PFDN1: variants seen among roughly 807,000 people sequenced by gnomAD.
PFDN1 encodes prefoldin subunit 1.
In PFDN1, 6 loss-of-function variants were observed where a neutral mutation model predicts 17.3. That is an observed-to-expected ratio of 0.35 (90% CI 0.19 to 0.69). The LOEUF (loss-of-function observed/expected upper bound fraction) is 0.69, where lower values mean the gene tolerates loss of function less well. Among genes scored for constraint, PFDN1 ranks in the 30% least tolerant of loss-of-function variants. The pLI, the probability that PFDN1 is intolerant of heterozygous loss-of-function variation, is 0.65. For missense variants in PFDN1, 113 were observed against 146.2 expected (o/e 0.77, Z 1.17); for synonymous variants, 58 against 50.1 (o/e 1.16, Z -0.67).
At chr5:140,273,119 C>T (rs1344689067) in intron 3 of PFDN1, among the ~76,000 whole-genome samples, 1 of 152,010 alleles carries the variant, frequency 6.6e-6, no homozygotes, top group Non-Finnish European at 1.5e-5. Context: ...GTGGCATGCA[C>T]CTGTAGTCCC....
intron 3 of PFDN1, among the ~76,000 whole-genome samples, chr5:140,276,062 A>G (rs1211636310): frequency 1.3e-5 from 2 of 149,052 alleles, no homozygotes; most frequent in Non-Finnish European, 3.0e-5. Flanking sequence ...TGATGATGAT[A>G]ATTACAGAGG....
chr5:140,265,546 T>G (rs1469229848), intron 3 of PFDN1, among the ~76,000 whole-genome samples: 1 of 152,152 alleles, frequency 6.6e-6, no homozygotes, highest in East Asian at 1.9e-4. Context: ...TACTTGGGTG[T>G]CTAATAGTAA....
intron 2 of PFDN1, among the ~76,000 whole-genome samples, chr5:140,288,274 T>A (rs751558338): frequency 6.6e-6 from 1 of 152,222 alleles, no homozygotes; most frequent in Non-Finnish European, 1.5e-5. Flanking sequence ...GAGCCTTAAA[T>A]GCATATTGCT....
At chr5:140,286,764 C>G (rs1765500845) in intron 2 of PFDN1, among the ~76,000 whole-genome samples, 1 of 151,898 alleles carries the variant, frequency 6.6e-6, no homozygotes, top group African/African-American at 2.4e-5. Flanking sequence ...TGCCACCACA[C>G]CCAGTTAATT....
At chr5:140,277,672 G>A (rs779372155) in intron 3 of PFDN1, among the ~76,000 whole-genome samples, 2 of 151,756 alleles carry the variant, frequency 1.3e-5, no homozygotes, top group Non-Finnish European at 2.9e-5. Context: ...AGGCTGCAGT[G>A]AGCTGAGATC....
At chr5:140,272,640 G>A (rs993598084) in intron 3 of PFDN1, among the ~76,000 whole-genome samples, 4 of 152,146 alleles carry the variant, frequency 2.6e-5, no homozygotes, top group African/African-American at 7.2e-5. Context: ...TTACAGGCAT[G>A]AGCCACCATG....
chr5:140,250,876 G>A (rs1224013176), intron 3 of PFDN1, among the ~76,000 whole-genome samples: 1 of 152,162 alleles, frequency 6.6e-6, no homozygotes, highest in Non-Finnish European at 1.5e-5. Flanking sequence ...TACAAACAAT[G>A]TCAAGTATTT....
At chr5:140,293,637 G>A in intron 2 of PFDN1, among the ~76,000 whole-genome samples, 1 of 152,020 alleles carries the variant, frequency 6.6e-6, no homozygotes, top group South Asian at 2.1e-4. Flanking sequence ...AGAAGAAACA[G>A]GACTATGTAA....
intron 3 of PFDN1, among the ~76,000 whole-genome samples, chr5:140,261,445 A>T (rs1328483872): frequency 6.6e-6 from 1 of 152,240 alleles, no homozygotes; most frequent in Non-Finnish European, 1.5e-5. Context: ...ATGTGATCAT[A>T]TCACTACTTT....
chr5:140,285,312 C>G (rs1023147997), intron 2 of PFDN1, among the ~76,000 whole-genome samples: 7 of 149,376 alleles, frequency 4.7e-5, no homozygotes, highest in Non-Finnish European at 1.0e-4. Flanking sequence ...CGCGCCACTG[C>G]ACTCCAGCCT....
At chr5:140,246,701 G>A (rs141402940) in intron 3 of PFDN1, among the ~76,000 whole-genome samples, 111 of 152,206 alleles carry the variant, frequency 7.3e-4, no homozygotes, top group African/African-American at 2.1e-3. Flanking sequence ...TAAAAATCTC[G>A]GCTTAGACAA....
At position 140,245,995 on chromosome 5, in the gene PFDN1, C is replaced by G. The variant is rs764254781; in HGVS notation, c.348G>C (p.Leu116=). 2 of 1,559,848 alleles carry G rather than the reference C, an allele frequency of 1.3e-6. No individual in the cohort carries two copies. Among genetic ancestry groups the G allele is most frequent in the Non-Finnish European group, 1.7e-6 (2 of 1,150,256 alleles). ...CTCCCTACTGGGCCCTTCGTGCCAT[C>G]AGCATCTCCCGGATGTTGTCCTCAG... The part of the protein sequence containing the change: ...KEAEDNIREM[L]MARRAQ Residue 116 remains leucine, a synonymous_variant, in exon 4 of 4, where the codon CTG becomes CTC. Coordinates refer to ENST00000261813, the MANE Select transcript of PFDN1 (RefSeq NM_002622.5).
At chr5:140,256,938 G>C (rs755096623) in intron 3 of PFDN1, among the ~76,000 whole-genome samples, 2 of 151,998 alleles carry the variant, frequency 1.3e-5, no homozygotes, top group African/African-American at 4.8e-5. Flanking sequence ...ACCTCTAATG[G>C]GCCAGGCGTG....
chr5:140,272,166 C>T (rs1765215727), intron 3 of PFDN1, among the ~76,000 whole-genome samples: 1 of 151,572 alleles, frequency 6.6e-6, no homozygotes, highest in Non-Finnish European at 1.5e-5. Flanking sequence ...GCTACAGACG[C>T]GTGCCACCAG....
intron 3 of PFDN1, among the ~76,000 whole-genome samples, chr5:140,271,948 T>C (rs1320545647): frequency 6.7e-6 from 1 of 148,706 alleles, no homozygotes; most frequent in African/African-American, 2.4e-5. Context: ...AATACATATA[T>C]ACATAATATA....
chr5:140,286,047 AT>A (rs907764512), intron 2 of PFDN1, among the ~76,000 whole-genome samples: 35 of 152,062 alleles, frequency 2.3e-4, no homozygotes, highest in South Asian at 1.9e-3. Context: ...AAAAAAAAAT[AT>A]TTTTTTTATT....
intron 3 of PFDN1, among the ~76,000 whole-genome samples, chr5:140,247,422 G>A (rs981686812): frequency 6.6e-6 from 1 of 152,030 alleles, no homozygotes; most frequent in Non-Finnish European, 1.5e-5. Flanking sequence ...TTACAGGCGT[G>A]AGCCACCGCG....
At chr5:140,261,129 T>A (rs958247347) in intron 3 of PFDN1, among the ~76,000 whole-genome samples, 13 of 129,256 alleles carry the variant, frequency 1.0e-4, no homozygotes, top group Admixed American at 2.8e-4. Flanking sequence ...ACCACTGCAC[T>A]CCAGCCTGGA....
chr5:140,300,359 T>C (rs2126704016), intron 2 of PFDN1, 57 bp downstream of exon 2: 1 of 1,314,556 alleles, frequency 7.6e-7, no homozygotes, highest in Non-Finnish European at 1.1e-6. Context: ...ACAAATTCTA[T>C]TTAACTCGGA....
Sources: gnomAD v4.1 joint callset for allele counts (sites outside exome capture counted in the v4.1 genomes callset) on GRCh38, gnomAD v4.1.1 for gene constraint, MANE v1.5 for transcripts, NCBI Gene and HGNC (gene_info 2026-07-23, HGNC 2026-07-21) for gene names.